The following TBC1D32 variants were observed in gnomAD, a reference collection of about 807,000 sequenced individuals.
TBC1D32 encodes TBC1 domain family member 32, also known as protein broad-minded.
A neutral mutation model predicts 170.3 loss-of-function variants in TBC1D32; 151 were observed. The ratio of observed to expected loss-of-function variants is 0.89; its 90% confidence interval spans 0.78 to 1.01. TBC1D32 has a LOEUF of 1.01. Ranked by LOEUF, TBC1D32 falls within the 50% of genes least tolerant of loss-of-function variation. TBC1D32 has a pLI of 0.00. For missense variants in TBC1D32, 1,464 were observed against 1,457.1 expected (o/e 1.00, Z -0.08); for synonymous variants, 498 against 488.0 (o/e 1.02, Z -0.27).
At chr6:121,159,275 G>C (rs894825884) in intron 24 of TBC1D32, among the ~76,000 whole-genome samples, 3 of 152,132 alleles carry the variant, frequency 2.0e-5, no homozygotes, top group African/African-American at 7.2e-5. Context: ...ACTCCACAAA[G>C]GTGGGAACCA....
Position 121,230,644 on chromosome 6 carries a change from G to GATATAT in TBC1D32, c.2365-7298_2365-7293dup, listed in dbSNP as rs3076859. On this transcript the variant is annotated intron_variant, in intron 20 of 31. Transcript: ENST00000398212. ...ATTGAAATCTGATATGTATATATCT[G>GATATAT]ATATATATATATACATATATACACA... 1.4e-3 allele frequency among the ~76,000 whole-genome samples: 214 copies of GATATAT among 149,648 alleles called. 2 individuals are homozygous for GATATAT. The highest frequency in any genetic ancestry group is 4.7e-3 in the African/African-American group (192 of 40,768).
chr6:121,324,891 A>T (rs1314158569), intron 1 of TBC1D32, among the ~76,000 whole-genome samples: 26 of 152,188 alleles, frequency 1.7e-4, no homozygotes, highest in Non-Finnish European at 3.8e-4. Context: ...CAGACTTGGC[A>T]GATGTGCACG....
chr6:121,121,120 T>C (rs975385980), intron 26 of TBC1D32, among the ~76,000 whole-genome samples: 8 of 152,006 alleles, frequency 5.3e-5, no homozygotes, highest in African/African-American at 1.9e-4. Context: ...TTTAGCCATA[T>C]ACAATATAAT....
At chr6:121,310,132 T>C (rs1044585306) in intron 4 of TBC1D32, among the ~76,000 whole-genome samples, 2 of 152,078 alleles carry the variant, frequency 1.3e-5, no homozygotes, top group Admixed American at 6.6e-5. Flanking sequence ...GGTCAAAGGA[T>C]ACAAAATTTC....
chr6:121,144,173 G>A (rs751722002), intron 24 of TBC1D32, among the ~76,000 whole-genome samples: 8 of 152,102 alleles, frequency 5.3e-5, no homozygotes, highest in South Asian at 2.1e-4. Flanking sequence ...CCAGTATGGT[G>A]GGAAAATAAG....
chr6:121,192,154 A>G (rs1790166152), intron 22 of TBC1D32, among the ~76,000 whole-genome samples: 1 of 151,308 alleles, frequency 6.6e-6, no homozygotes, highest in Admixed American at 6.7e-5. Context: ...TTCTAAAGGA[A>G]TAGAATATTA....
chr6:121,121,047 G>A (rs1044350010), intron 26 of TBC1D32, among the ~76,000 whole-genome samples: 1 of 151,670 alleles, frequency 6.6e-6, no homozygotes, highest in African/African-American at 2.4e-5. Context: ...TATAGTATGT[G>A]TATATATATA....
At chr6:121,213,320 G>A (rs1197204754) in intron 21 of TBC1D32, among the ~76,000 whole-genome samples, 1 of 151,780 alleles carries the variant, frequency 6.6e-6, no homozygotes, top group African/African-American at 2.4e-5. Context: ...TGGTCCAAAA[G>A]CTCCTTCAGC....
At chr6:121,130,053 TAAG>T (rs1781267631) in intron 25 of TBC1D32, 1 of 344,210 alleles carries the variant, frequency 2.9e-6, no homozygotes, top group South Asian at 2.5e-5. Flanking sequence ...GACTCTTATA[TAAG>T]AAGACTTTTT....
chr6:121,119,860 C>T (rs1057283019), intron 26 of TBC1D32, among the ~76,000 whole-genome samples: 1 of 151,990 alleles, frequency 6.6e-6, no homozygotes, highest in Admixed American at 6.6e-5. Context: ...ATTTCAACTA[C>T]CTTAGGGTTT....
At chr6:121,205,588 G>A (rs1046372152) in intron 21 of TBC1D32, among the ~76,000 whole-genome samples, 2 of 152,126 alleles carry the variant, frequency 1.3e-5, no homozygotes, top group East Asian at 1.9e-4. Context: ...GGATCAAAAT[G>A]TTGTAACTAG....
Position 121,302,799 on chromosome 6 carries a change from T to G in TBC1D32, c.1080+818A>C, listed in dbSNP as rs114019049. Among the ~76,000 whole-genome samples, 82 of 152,272 alleles carry G rather than the reference T, an allele frequency of 5.4e-4. 1 individual carries two copies. The highest frequency in any genetic ancestry group is 3.4e-3 in the Middle Eastern group (1 of 294). On this transcript the variant is annotated intron_variant, in intron 9 of 31. Coordinates refer to ENST00000398212, the MANE Select transcript of TBC1D32 (RefSeq NM_152730.6). The stretch of plus-strand genomic sequence containing the variant: ...AATTGAGTAAACATGAATCACATAC[T>G]AGACAGGCCAGGTAAGGGCTAACCA...
rs142188006 is a variant in TBC1D32, at chr6:121,083,177, G to C, written c.3655-2287C>G. Reference sequence around the variant, plus strand: ...ATTATAATTTCATCTATAGACCAAAGTATATCAAACTCTATATAAAATATA... The same window carrying C: ...ATTATAATTTCATCTATAGACCAAACTATATCAAACTCTATATAAAATATA... On this transcript the variant is annotated intron_variant, in intron 31 of 31. Coordinates refer to ENST00000398212, the MANE Select transcript of TBC1D32 (RefSeq NM_152730.6). 1.2e-3 allele frequency among the ~76,000 whole-genome samples: 185 copies of C among 151,950 alleles called. 6 individuals carry two copies. The East Asian group carries it at 0.033, about 27-fold the overall frequency.
chr6:121,300,858 C>A (rs574639397), intron 9 of TBC1D32, among the ~76,000 whole-genome samples: 3 of 152,102 alleles, frequency 2.0e-5, no homozygotes, highest in Non-Finnish European at 4.4e-5. Context: ...AAACTAACAA[C>A]CCCATCAAAA....
Position 121,085,472 on chromosome 6 carries a change from A to C in TBC1D32, c.3655-4582T>G, listed in dbSNP as rs140693038. Among the ~76,000 whole-genome samples the C allele has an allele frequency of 8.6e-5, 13 of 151,230 alleles. No homozygotes were observed. In the East Asian group the frequency reaches 2.5e-3, roughly 29 times the overall value. On this transcript the variant is annotated intron_variant, in intron 31 of 31. Coordinates refer to ENST00000398212, the MANE Select transcript of TBC1D32 (RefSeq NM_152730.6). ...ATGTTCCTTCTGGGGTGTTCAGTAA[A>C]ACTAGAAACTCCTGGATGCAGTCCC...
intron 22 of TBC1D32, among the ~76,000 whole-genome samples, chr6:121,176,476 C>T (rs1013627684): frequency 3.9e-5 from 6 of 152,160 alleles, no homozygotes; most frequent in Non-Finnish European, 5.9e-5. Flanking sequence ...ATGTTTTGAG[C>T]ACCAACATGA....
intron 26 of TBC1D32, among the ~76,000 whole-genome samples, chr6:121,125,851 G>A (rs775897305): frequency 4.6e-5 from 7 of 152,148 alleles, no homozygotes; most frequent in Non-Finnish European, 1.0e-4. Context: ...TGGGCCCTCT[G>A]AGTATCTGCT....
intron 26 of TBC1D32, among the ~76,000 whole-genome samples, chr6:121,119,392 A>G (rs750625801): frequency 5.3e-5 from 8 of 152,152 alleles, no homozygotes; most frequent in Non-Finnish European, 7.4e-5. Flanking sequence ...GATAGAAGAG[A>G]GCATTTTTGC....
intron 12 of TBC1D32, among the ~76,000 whole-genome samples, chr6:121,291,742 T>G (rs115941335): frequency 2.5e-3 from 380 of 152,220 alleles, no homozygotes; most frequent in African/African-American, 8.9e-3. Context: ...AAAGGTTAAG[T>G]GATTTTCCCA....
Sources: allele counts gnomAD v4.1 joint callset (sites outside exome capture counted in the v4.1 genomes callset), GRCh38; gene constraint gnomAD v4.1.1; transcripts MANE v1.5; gene names NCBI Gene and HGNC (gene_info 2026-07-23, HGNC 2026-07-21).